Variants in RMND1 observed in about 807,000 individuals in gnomAD.
The protein encoded by RMND1 is required for meiotic nuclear division protein 1 homolog.
In RMND1, 41 loss-of-function variants were observed where a neutral mutation model predicts 54.0. The ratio of observed to expected loss-of-function variants is 0.76; its 90% CI spans 0.59 to 0.98. The LOEUF (loss-of-function observed/expected upper bound fraction) is 0.98. RMND1 is among the 50% of genes least tolerant of loss of function. RMND1 has a pLI of 0.00. For synonymous variants in RMND1, 183 were observed against 181.7 expected, an observed-to-expected ratio of 1.01 and a Z score of -0.06; for missense variants, 457 against 532.0, an observed-to-expected ratio of 0.86 and a Z score of 1.39.
At chr6:151,421,356 A>G (rs1780146107) in intron 8 of RMND1, 35 bp from the exon 9 acceptor site, 1 of 1,485,394 alleles carries the variant, frequency 6.7e-7, no homozygotes, top group Non-Finnish European at 9.3e-7. Context: ...CCAAAAAACC[A>G]TGTATCTCTC....
chr6:151,415,038 A>G (rs1779960213), intron 10 of RMND1, among the ~76,000 whole-genome samples: 1 of 147,044 alleles, frequency 6.8e-6, no homozygotes. Context: ...GAATGGCTAA[A>G]TAAAGTTCTT....
intron 2 of RMND1, among the ~76,000 whole-genome samples, chr6:151,440,050 G>A (rs1780733223): frequency 6.6e-6 from 1 of 151,938 alleles, no homozygotes; most frequent in African/African-American, 2.4e-5. Context: ...TCTACCCCCT[G>A]GATTCAAGTG....
At chr6:151,408,424 G>A (rs1049391479) in intron 10 of RMND1, among the ~76,000 whole-genome samples, 2 of 152,166 alleles carry the variant, frequency 1.3e-5, no homozygotes, top group Admixed American at 6.5e-5. Context: ...CCCAGGAGTC[G>A]GTGGTTGCAG....
chr6:151,410,061 T>C (rs1779765031), intron 10 of RMND1, among the ~76,000 whole-genome samples: 1 of 151,658 alleles, frequency 6.6e-6, no homozygotes, highest in Non-Finnish European at 1.5e-5. Flanking sequence ...TGTTCCATTT[T>C]TTTTTTTTTT....
At chr6:151,447,712 T>C (rs1029052965) in intron 1 of RMND1, among the ~76,000 whole-genome samples, 2 of 152,140 alleles carry the variant, frequency 1.3e-5, no homozygotes, top group African/African-American at 4.8e-5. Flanking sequence ...ATTAGTACTA[T>C]GCCATGCCAG....
At chr6:151,410,960 T>C (rs947332598) in intron 10 of RMND1, among the ~76,000 whole-genome samples, 1 of 152,250 alleles carries the variant, frequency 6.6e-6, no homozygotes. Context: ...CTTTATCTTA[T>C]TTATTAATTA....
At chr6:151,427,388 A>G in intron 6 of RMND1, 94 bp downstream of exon 6, 1 of 722,674 alleles carries the variant, frequency 1.4e-6, no homozygotes, top group South Asian at 1.7e-5. Flanking sequence ...AAAAAAAAAA[A>G]AAGTTTCCAT....
chr6:151,449,059 T>TC (rs1781047882), intron 1 of RMND1, among the ~76,000 whole-genome samples: 1 of 20,928 alleles, frequency 4.8e-5, no homozygotes, highest in Non-Finnish European at 7.3e-5. Flanking sequence ...AGACTCTGTC[T>TC]CAAAAAAAAA....
At chr6:151,422,627 G>A in intron 7 of RMND1, 22 bp from the exon 8 acceptor site, 4 of 1,268,854 alleles carry the variant, frequency 3.2e-6, no homozygotes, top group South Asian at 1.5e-5. Context: ...ATTAATAATG[G>A]AACATTTCTT....
chr6:151,428,814 A>G (rs1215125412), intron 5 of RMND1, among the ~76,000 whole-genome samples: 1 of 152,150 alleles, frequency 6.6e-6, no homozygotes, highest in African/African-American at 2.4e-5. Flanking sequence ...GATTACAGGT[A>G]TGAGTTACCA....
intron 1 of RMND1, among the ~76,000 whole-genome samples, chr6:151,450,828 T>G (rs191719697): frequency 2.6e-5 from 4 of 152,106 alleles, no homozygotes; most frequent in Admixed American, 6.5e-5. Context: ...GAAGTAGACA[T>G]GGGAGACTTT....
rs1014077536 is a variant in RMND1 at position 151,404,983 on chromosome 6, C to T, written c.*252G>A. The T allele has an allele frequency of 1.3e-5, 5 of 386,078 alleles. No homozygotes were observed. The highest frequency in any genetic ancestry group is 2.1e-5 in the African/African-American group (1 of 46,516). 23.9% of individuals were successfully genotyped at this position (386,078 alleles called of 1,614,324 possible). ...TCCCAAGTTCAAGAGATTCTCCTGC[C>T]TCAGCCTCCTGAGTAGCTGAGATGA... On this transcript the variant is annotated 3_prime_UTR_variant, in exon 12 of 12. Coordinates refer to ENST00000444024, the MANE Select transcript of RMND1 (RefSeq NM_017909.4).
At chr6:151,438,057 T>G (rs3800274) in intron 2 of RMND1, among the ~76,000 whole-genome samples, 52,341 of 152,030 alleles carry the variant, frequency 0.34, 9,905 homozygotes, top group East Asian at 0.72. Flanking sequence ...TAGTCACATA[T>G]GAAAGTAGGA....
At chr6:151,426,454 C>A (rs942863985) in intron 6 of RMND1, among the ~76,000 whole-genome samples, 1 of 152,158 alleles carries the variant, frequency 6.6e-6, no homozygotes, top group African/African-American at 2.4e-5. Flanking sequence ...GGTCCCACTT[C>A]TTCCAGCACC....
chr6:151,423,327 C>A (rs1335307275), intron 7 of RMND1, among the ~76,000 whole-genome samples, 198 bp downstream of exon 7: 1 of 151,920 alleles, frequency 6.6e-6, no homozygotes, highest in Non-Finnish European at 1.5e-5. Context: ...TTTATTAATA[C>A]AATTAATAAG....
chr6:151,414,618 A>T (rs1779947189), intron 10 of RMND1, among the ~76,000 whole-genome samples: 2 of 152,208 alleles, frequency 1.3e-5, no homozygotes, highest in African/African-American at 4.8e-5. Flanking sequence ...ATAAAAAAAC[A>T]TGGAAATTTT....
At chr6:151,450,063 GCCC>G (rs924502758) in intron 1 of RMND1, among the ~76,000 whole-genome samples, 4 of 152,116 alleles carry the variant, frequency 2.6e-5, no homozygotes, top group African/African-American at 9.7e-5. Flanking sequence ...CCTCTGCCTG[GCCC>G]CCCATCGTCT....
intron 4 of RMND1, among the ~76,000 whole-genome samples, chr6:151,431,876 A>G (rs78393555): frequency 0.12 from 18,839 of 152,010 alleles, 1,239 homozygotes; most frequent in Middle Eastern, 0.19. Flanking sequence ...AAAAATATTT[A>G]AAATGTGGTT....
chr6:151,415,658 T>G (rs1344293248), intron 10 of RMND1, among the ~76,000 whole-genome samples: 3 of 151,790 alleles, frequency 2.0e-5, no homozygotes, highest in African/African-American at 7.3e-5. Flanking sequence ...CTGGGCTTGG[T>G]GGCGGGTGCC....
Sources: allele counts gnomAD v4.1 joint callset (sites outside exome capture counted in the v4.1 genomes callset), GRCh38; gene constraint gnomAD v4.1.1; transcripts MANE v1.5; gene names NCBI Gene and HGNC (gene_info 2026-07-23, HGNC 2026-07-21).